The following KIAA2012 variants were observed in gnomAD, a reference collection of about 807,000 sequenced individuals.
The protein encoded by KIAA2012 is uncharacterized protein KIAA2012.
A neutral mutation model predicts 150.6 loss-of-function variants in KIAA2012; 125 were observed. That is an observed-to-expected ratio of 0.83 (90% CI 0.72 to 0.96). The LOEUF (loss-of-function observed/expected upper bound fraction) is 0.96, where lower values mean the gene tolerates loss of function less well. Among genes scored for constraint, KIAA2012 ranks in the 40% least tolerant of loss-of-function variants. The pLI is 0.00. For synonymous variants in KIAA2012, 462 were observed against 504.7 expected (o/e 0.92, Z 1.13); for missense variants, 1,219 against 1,354.9 (o/e 0.90, Z 1.57).
chr2:202,106,730 A>G (rs1052103640), intron 9 of KIAA2012, among the ~76,000 whole-genome samples: 3 of 152,158 alleles, frequency 2.0e-5, no homozygotes, highest in African/African-American at 7.2e-5. Flanking sequence ...CATAATATTG[A>G]TAAAAGTCTT....
chr2:202,188,194 A>C lies in KIAA2012; in HGVS notation c.2419A>C (p.Lys807Gln). The C allele has an allele frequency of 6.4e-7, 1 of 1,550,804 alleles. No homozygotes were observed. The highest frequency in any genetic ancestry group is 1.2e-5 in the South Asian group (1 of 84,048). ...CGAGGCCAAGAGAAAGGAAAAACCC[A>C]AGAAAGACAAAACCAAAGGACCCAA... ...INEAKRKEKP[K>Q]KDKTKGPKSE... is the part of the protein sequence containing the mutation. Residue 807 changes from lysine (K) to glutamine (Q), a missense_variant, in exon 18 of 24, where the codon AAG (lysine) becomes CAG (glutamine). Physicochemically the swap from Lys to Gln is moderately conservative, Grantham distance 53. Coordinates refer to ENST00000498697, the MANE Select transcript of KIAA2012 (RefSeq NM_001277372.4).
At chr2:202,153,678 T>C (rs1210052559) in intron 13 of KIAA2012, among the ~76,000 whole-genome samples, 1 of 152,240 alleles carries the variant, frequency 6.6e-6, no homozygotes, top group East Asian at 1.9e-4. Flanking sequence ...GATGTACTTA[T>C]GTTCCACTTC....
chr2:202,155,550 A>G (rs1256457470), intron 14 of KIAA2012, among the ~76,000 whole-genome samples: 2 of 152,180 alleles, frequency 1.3e-5, no homozygotes, highest in Admixed American at 6.5e-5. Context: ...ACTGACCAGG[A>G]ACACAGCCAG....
chr2:202,094,036 T>C (rs1243204800), intron 4 of KIAA2012, among the ~76,000 whole-genome samples: 3 of 152,134 alleles, frequency 2.0e-5, no homozygotes, highest in Non-Finnish European at 2.9e-5. Flanking sequence ...AATCTCAACA[T>C]TTTGGGAGGC....
chr2:202,087,920 G>A (rs1186239007), intron 2 of KIAA2012, among the ~76,000 whole-genome samples: 1 of 151,346 alleles, frequency 6.6e-6, no homozygotes, highest in Non-Finnish European at 1.5e-5. Context: ...GGAAAGCAAG[G>A]CCCTCCATGT....
intron 13 of KIAA2012, among the ~76,000 whole-genome samples, chr2:202,151,241 A>G (rs555767092): frequency 1.3e-5 from 2 of 152,054 alleles, no homozygotes; most frequent in Non-Finnish European, 2.9e-5. Context: ...TACTAAAAAT[A>G]CAAAAATTAG....
chr2:202,107,965 C>T lies in KIAA2012; in HGVS notation c.1475-1648C>T, dbSNP rs376219197. Among the ~76,000 whole-genome samples, 303 of 152,192 alleles carry T rather than the reference C, an allele frequency of 2.0e-3. 1 individual carries two copies. The highest frequency in any genetic ancestry group is 6.7e-3 in the African/African-American group (280 of 41,514). ...CGGAGGTTGCAGCGAGCCAAGATCA[C>T]GCCACTGTACTCCAGCCTGGGCGAC... On this transcript the variant is annotated intron_variant, in intron 9 of 23. Transcript: ENST00000498697.
intron 12 of KIAA2012, among the ~76,000 whole-genome samples, chr2:202,133,130 A>ATATATATTTTTTTTTTTTTTT (rs1279080237): frequency 3.1e-4 from 21 of 67,742 alleles, no homozygotes; most frequent in Admixed American, 9.0e-4. Context: ...ATATATATAT[A>ATATATATTTTTTTTTTTTTTT]TTTTTTTTTT....
intron 11 of KIAA2012, chr2:202,116,799 T>C (rs976483247): frequency 4.6e-5 from 7 of 152,174 alleles, no homozygotes; most frequent in African/African-American, 1.7e-4. Context: ...AGATAGACTA[T>C]GGCAGAATTG....
intron 2 of KIAA2012, among the ~76,000 whole-genome samples, chr2:202,078,270 G>A (rs1384497502): frequency 6.6e-6 from 1 of 152,240 alleles, no homozygotes; most frequent in African/African-American, 2.4e-5. Flanking sequence ...TGAATAACAT[G>A]AGAAAATCTG....
intron 11 of KIAA2012, among the ~76,000 whole-genome samples, chr2:202,118,675 C>T (rs777923530): frequency 2.0e-5 from 3 of 152,182 alleles, no homozygotes; most frequent in East Asian, 1.9e-4. Context: ...CTTGGCATGG[C>T]GCTAAGTTAG....
In KIAA2012 at chr2:202,201,780, G is replaced by A; in HGVS notation, c.3408-649G>A. 3.1e-6 allele frequency: 4 copies of A among 1,305,386 alleles called. No individual in the cohort carries two copies. The East Asian group carries it at 9.2e-5, about 30-fold the overall frequency. The allele number at this position is 1,305,386 out of a possible 1,614,324, so 80.9% of individuals were successfully genotyped here. On this transcript the variant is annotated intron_variant, in intron 22 of 23. Coordinates refer to ENST00000498697, the MANE Select transcript of KIAA2012 (RefSeq NM_001277372.4). ...CTCTGAGTAGGCAGTCGGAGCATCA[G>A]TATAGGGTAGAGCCTGAGAAAGATG...
intron 13 of KIAA2012, among the ~76,000 whole-genome samples, chr2:202,149,147 C>T (rs1341300001): frequency 5.9e-5 from 9 of 152,194 alleles, no homozygotes; most frequent in Non-Finnish European, 8.8e-5. Flanking sequence ...CCCTCCTTCT[C>T]CCCTACCCCC....
chr2:202,152,502 G>A (rs1473006834), intron 13 of KIAA2012, among the ~76,000 whole-genome samples: 2 of 152,204 alleles, frequency 1.3e-5, no homozygotes, highest in African/African-American at 4.8e-5. Flanking sequence ...ATCTTCTCTT[G>A]GGGATAATGG....
At chr2:202,159,669 C>T (rs1479978776) in intron 14 of KIAA2012, among the ~76,000 whole-genome samples, 3 of 152,088 alleles carry the variant, frequency 2.0e-5, no homozygotes, top group Admixed American at 2.0e-4. Flanking sequence ...GGTGAAACCC[C>T]GTCTCTACTA....
At chr2:202,177,076 C>T (rs1692005916) in intron 15 of KIAA2012, among the ~76,000 whole-genome samples, 1 of 152,018 alleles carries the variant, frequency 6.6e-6, no homozygotes, top group Non-Finnish European at 1.5e-5. Context: ...TAAATGGTCA[C>T]ATATTTATAC....
intron 12 of KIAA2012, among the ~76,000 whole-genome samples, chr2:202,133,800 G>C (rs1343559645): frequency 1.3e-5 from 2 of 152,044 alleles, no homozygotes; most frequent in African/African-American, 4.8e-5. Flanking sequence ...GGCCATCTTG[G>C]GTCTTAGTCT....
chr2:202,104,657 G>A lies in KIAA2012; in HGVS notation c.1325-1104G>A, dbSNP rs1171218737. Among the ~76,000 whole-genome samples the A allele has an allele frequency of 6.6e-6, 1 of 152,254 alleles. No homozygotes were observed. Among genetic ancestry groups the A allele is most frequent in the Admixed American group, 6.5e-5 (1 of 15,284 alleles). On this transcript the variant is annotated intron_variant, in intron 8 of 23. Coordinates refer to ENST00000498697, the MANE Select transcript of KIAA2012 (RefSeq NM_001277372.4). This position sits in a 1 kb window ranked among gnomAD's most constrained non-coding sequence, Gnocchi z 4.3. The stretch of plus-strand genomic sequence containing the variant: ...GGCCCTCTGATAATTACAGCAGGCA[G>A]ATAGTAGCCTGGGAATGTTAAGAGT...
chr2:202,102,937 T>C lies in KIAA2012; in HGVS notation c.1156-9T>C, dbSNP rs1164430589. 5.8e-6 allele frequency: 9 copies of C among 1,548,032 alleles called. No individual in the cohort carries two copies. The South Asian group carries it at 1.1e-4, about 18-fold the overall frequency. ...TGCCATGATCGTTTTGTTTTTAAAT[T>C]TTCTCCAGGCACCAAAGGCTTTGAA... On this transcript the variant is annotated splice_polypyrimidine_tract_variant and intron_variant, in intron 7 of 23. Transcript: ENST00000498697.
Sources: allele counts gnomAD v4.1 joint callset (sites outside exome capture counted in the v4.1 genomes callset), GRCh38; gene constraint gnomAD v4.1.1; non-coding constraint Gnocchi (gnomAD v3.1); transcripts MANE v1.5; gene names NCBI Gene and HGNC (gene_info 2026-07-23, HGNC 2026-07-21).